Variants in SMG6 observed in about 807,000 individuals in gnomAD.
SMG6 encodes telomerase-binding protein EST1A.
SMG6 carries 66 observed loss-of-function variants against 142.2 expected under a neutral mutation model. The observed-to-expected ratio is 0.46, with a 90% confidence interval of 0.38 to 0.57. The LOEUF is 0.57. Ranked by LOEUF, SMG6 falls within the 20% of genes least tolerant of loss-of-function variation. The pLI is 0.00. For missense variants in SMG6, 1,793 were observed against 1,832.0 expected (o/e 0.98, Z 0.39); for synonymous variants, 779 against 702.4 (o/e 1.11, Z -1.72).
intron 8 of SMG6, among the ~76,000 whole-genome samples, chr17:2,262,045 C>CA: frequency 6.6e-6 from 1 of 152,212 alleles, no homozygotes. Context: ...ATCTCAATAG[C>CA]AAGAATAAGG....
intron 6 of SMG6, among the ~76,000 whole-genome samples, chr17:2,289,297 T>C (rs1355905848): frequency 6.6e-6 from 1 of 152,064 alleles, no homozygotes; most frequent in East Asian, 1.9e-4. Context: ...GACTCATGCC[T>C]GTAATCTCAG....
At chr17:2,220,884 T>C (rs553989655) in intron 10 of SMG6, among the ~76,000 whole-genome samples, 1 of 152,340 alleles carries the variant, frequency 6.6e-6, no homozygotes, top group African/African-American at 2.4e-5. Context: ...TGGTTTCTAC[T>C]TTACCTTTTT....
chr17:2,065,867 G>A (rs1342133858), intron 16 of SMG6, 188 bp from the exon 17 acceptor site: 1 of 601,418 alleles, frequency 1.7e-6, no homozygotes, highest in Non-Finnish European at 3.0e-6. Context: ...GATTTCACAG[G>A]GCTCTACTCC....
intron 8 of SMG6, among the ~76,000 whole-genome samples, chr17:2,253,817 C>T (rs1244496523): frequency 1.3e-5 from 2 of 152,186 alleles, no homozygotes; most frequent in Admixed American, 6.5e-5. Flanking sequence ...GACTCCTGCT[C>T]TCGGACAGTC....
At chr17:2,224,154 T>C (rs927208762) in intron 10 of SMG6, among the ~76,000 whole-genome samples, 2 of 152,196 alleles carry the variant, frequency 1.3e-5, no homozygotes, top group African/African-American at 2.4e-5. Flanking sequence ...GGAAACCAGA[T>C]AGGTAAGTGT....
intron 6 of SMG6, among the ~76,000 whole-genome samples, chr17:2,288,920 A>G (rs1393477243): frequency 6.6e-6 from 1 of 151,574 alleles, no homozygotes; most frequent in Non-Finnish European, 1.5e-5. Flanking sequence ...TCTACTAAAA[A>G]TACAAAAAAT....
intron 8 of SMG6, among the ~76,000 whole-genome samples, chr17:2,269,358 TCCAGC>T (rs1597749878): frequency 1.3e-5 from 2 of 150,532 alleles, no homozygotes; most frequent in East Asian, 3.9e-4. Context: ...GCCGCTGCAC[TCCAGC>T]CCAGGGTGAC....
intron 8 of SMG6, among the ~76,000 whole-genome samples, chr17:2,259,897 G>A (rs969262298): frequency 1.1e-4 from 17 of 152,172 alleles, no homozygotes; most frequent in Middle Eastern, 3.4e-3. Context: ...TCACAAAGAC[G>A]GTTTCACAAA....
intron 8 of SMG6, among the ~76,000 whole-genome samples, chr17:2,268,633 C>T (rs1567733150): frequency 2.6e-5 from 4 of 152,098 alleles, no homozygotes; most frequent in Admixed American, 6.6e-5. Flanking sequence ...AAAATTAGGC[C>T]GGGAGCGGTG....
intron 13 of SMG6, among the ~76,000 whole-genome samples, chr17:2,161,258 C>T (rs909282338): frequency 7.2e-5 from 11 of 152,050 alleles, no homozygotes; most frequent in Admixed American, 2.6e-4. Flanking sequence ...GCGTGCATCA[C>T]CAAGCCTGGC....
chr17:2,273,098 ATG>A (rs1443194973), intron 8 of SMG6, among the ~76,000 whole-genome samples: 19 of 152,268 alleles, frequency 1.2e-4, no homozygotes, highest in Admixed American at 9.8e-4. Context: ...TACAGGGAAA[ATG>A]TGTATTAGAT....
intron 8 of SMG6, among the ~76,000 whole-genome samples, chr17:2,276,096 T>TA (rs1567739150): frequency 6.6e-6 from 1 of 152,224 alleles, no homozygotes; most frequent in Non-Finnish European, 1.5e-5. Context: ...CAATTAAGGC[T>TA]AATCACCCAG....
In SMG6 at chr17:2,156,111, C is replaced by T. The variant is rs183925317; in HGVS notation, c.3357+16547G>A. On this transcript the variant is annotated intron_variant, in intron 13 of 18. Transcript: ENST00000263073. ...CACTCAGATTAGATAGAGCTCAGGC[C>T]GGGTGCCGTGGTTCACGCCTGTAAT... 2.7e-3 allele frequency among the ~76,000 whole-genome samples: 409 copies of T among 149,600 alleles called. 3 individuals are homozygous for T. Among genetic ancestry groups the T allele is most frequent in the Middle Eastern group, 0.024 (7 of 288 alleles).
chr17:2,114,530 T>C (rs972543281), intron 13 of SMG6, among the ~76,000 whole-genome samples: 22 of 152,128 alleles, frequency 1.4e-4, no homozygotes, highest in African/African-American at 5.3e-4. Flanking sequence ...TCAACCCTTT[T>C]CAGGCTGAGT....
rs2068539467 is a variant in SMG6 at position 2,085,630 on chromosome 17, T to C, written c.3534+95A>G. 2.4e-6 allele frequency: 3 copies of C among 1,250,086 alleles called. No individual in the cohort carries two copies. The highest frequency in any genetic ancestry group is 4.3e-5 in the Admixed American group (2 of 46,022). 77.4% of individuals were successfully genotyped at this position (1,250,086 alleles called of 1,614,324 possible). A position where few individuals can be genotyped will look rare whatever the true frequency, so the allele number is the denominator to read the frequency against. On this transcript the variant is annotated intron_variant, in intron 14 of 18. Coordinates refer to ENST00000263073, the MANE Select transcript of SMG6 (RefSeq NM_017575.5). The surrounding 1 kb of genome is among the most constrained non-coding windows in gnomAD (Gnocchi z 4.1). ...TCACATTAACACAGACGCTGTTCTC[T>C]GTGCTCATAAATAAGCAGGAGGAAA...
chr17:2,069,139 A>G (rs1239154776), intron 15 of SMG6, among the ~76,000 whole-genome samples: 2 of 152,174 alleles, frequency 1.3e-5, no homozygotes, highest in East Asian at 1.9e-4. Context: ...GGCCCAGGGA[A>G]TGGCATGGGT....
chr17:2,156,319 G>A (rs1199251910), intron 13 of SMG6, among the ~76,000 whole-genome samples: 2 of 145,402 alleles, frequency 1.4e-5, no homozygotes, highest in African/African-American at 2.6e-5. Flanking sequence ...GCTTGAACTC[G>A]GGAGGTGGAG....
chr17:2,113,453 A>G (rs547350515), intron 13 of SMG6, among the ~76,000 whole-genome samples: 1 of 152,232 alleles, frequency 6.6e-6, no homozygotes, highest in South Asian at 2.1e-4. Flanking sequence ...GTTACAAAGA[A>G]TACAGCACAC....
chr17:2,118,321 T>C (rs920793879), intron 13 of SMG6, among the ~76,000 whole-genome samples: 7 of 152,146 alleles, frequency 4.6e-5, no homozygotes, highest in Non-Finnish European at 8.8e-5. Flanking sequence ...GCAGATCACT[T>C]GAGGTCAGGA....
Sources: gnomAD v4.1 joint callset for allele counts (sites outside exome capture counted in the v4.1 genomes callset) on GRCh38, gnomAD v4.1.1 for gene constraint, Gnocchi (gnomAD v3.1) non-coding constraint, MANE v1.5 for transcripts, NCBI Gene and HGNC (gene_info 2026-07-23, HGNC 2026-07-21) for gene names.